The following CHST13 variants were observed in gnomAD, a reference collection of about 807,000 sequenced individuals.
CHST13 encodes the protein C4ST-3.
A neutral mutation model predicts 7.0 loss-of-function variants in CHST13; 1 was observed. The ratio of observed to expected loss-of-function variants is 0.14; its 90% CI spans 0.05 to 0.68. The LOEUF is 0.68. Ranked by LOEUF, CHST13 falls within the 30% of genes least tolerant of loss-of-function variation. CHST13 has a pLI of 0.82. For synonymous variants in CHST13, 257 were observed against 240.9 expected (o/e 1.07, Z -0.62); for missense variants, 572 against 507.9 (o/e 1.13, Z -1.21).
chr3:126,542,622 G>T lies in CHST13; in HGVS notation c.*44G>T. On this transcript the variant is annotated 3_prime_UTR_variant, in exon 3 of 3. Transcript: ENST00000319340. Reference sequence around the variant, plus strand: ...GGCCACGCGGGGCAAGTGCCTTTCCGACAAGACCCCCGGGGAATGCAGGTG... The same window carrying T: ...GGCCACGCGGGGCAAGTGCCTTTCCTACAAGACCCCCGGGGAATGCAGGTG... 1 of 1,429,552 alleles carries T rather than the reference G, an allele frequency of 7.0e-7. No homozygotes were observed. The highest frequency in any genetic ancestry group is 1.6e-5 in the South Asian group (1 of 64,336). The allele number at this position is 1,429,552 out of a possible 1,614,324, so 88.6% of individuals were successfully genotyped here. A position where few individuals can be genotyped will look rare whatever the true frequency, so the allele number is the denominator to read the frequency against.
chr3:126,525,889 C>T (rs1355013088), intron 1 of CHST13, among the ~76,000 whole-genome samples: 1 of 152,162 alleles, frequency 6.6e-6, no homozygotes. Flanking sequence ...TACTAGTCAC[C>T]TTCTGGGCTT....
At chr3:126,531,067 G>A (rs919860029) in intron 1 of CHST13, among the ~76,000 whole-genome samples, 3 of 152,266 alleles carry the variant, frequency 2.0e-5, no homozygotes, top group East Asian at 1.9e-4. Context: ...TTCCTTCCAC[G>A]AACCTCTGTT....
chr3:126,535,540 TC>T (rs1936768580), intron 1 of CHST13, among the ~76,000 whole-genome samples: 6 of 150,800 alleles, frequency 4.0e-5, no homozygotes, highest in Non-Finnish European at 8.9e-5. Context: ...ACAGACAGCA[TC>T]CCTGTCCTCA....
intron 2 of CHST13, 43 bp downstream of exon 2, chr3:126,536,396 C>G: frequency 6.6e-7 from 1 of 1,503,806 alleles, no homozygotes; most frequent in South Asian, 1.1e-5. Flanking sequence ...CCCCTCCATC[C>G]CAGCCAGGAG....
At chr3:126,535,251 G>A (rs1389908281) in intron 1 of CHST13, among the ~76,000 whole-genome samples, 2 of 149,276 alleles carry the variant, frequency 1.3e-5, no homozygotes, top group African/African-American at 5.0e-5. Flanking sequence ...TCCTCAGCTG[G>A]GAGACAGACA....
intron 2 of CHST13, among the ~76,000 whole-genome samples, chr3:126,540,609 C>T (rs1265286481): frequency 3.3e-5 from 5 of 152,298 alleles, no homozygotes; most frequent in Middle Eastern, 3.4e-3. Context: ...CATGGATGGC[C>T]GCATACATTT....
intron 2 of CHST13, among the ~76,000 whole-genome samples, chr3:126,539,564 C>A (rs1458202246): frequency 1.4e-4 from 20 of 145,494 alleles, no homozygotes; most frequent in African/African-American, 4.9e-4. Flanking sequence ...ACACTGCACA[C>A]ACACACACAT....
chr3:126,531,264 G>C (rs1936654313), intron 1 of CHST13, among the ~76,000 whole-genome samples: 1 of 152,192 alleles, frequency 6.6e-6, no homozygotes, highest in Non-Finnish European at 1.5e-5. Context: ...GAGTTTAATG[G>C]GCCCCACACA....
chr3:126,534,722 CAGACAGA>C (rs1936729010), intron 1 of CHST13, among the ~76,000 whole-genome samples: 2 of 149,936 alleles, frequency 1.3e-5, no homozygotes, highest in African/African-American at 2.5e-5. Context: ...GGGAGACAGA[CAGACAGA>C]CAGCATCCCT....
At chr3:126,531,614 G>A (rs1180565856) in intron 1 of CHST13, among the ~76,000 whole-genome samples, 2 of 152,192 alleles carry the variant, frequency 1.3e-5, no homozygotes, top group South Asian at 4.1e-4. Context: ...CGTTTACAAG[G>A]TTCAGCCACA....
intron 1 of CHST13, chr3:126,527,604 C>T (rs1194649794): frequency 6.6e-6 from 1 of 152,476 alleles, no homozygotes; most frequent in Admixed American, 6.5e-5. Flanking sequence ...ATTGGACAGG[C>T]CTAGGCCACA....
chr3:126,539,564 C>T (rs1458202246), intron 2 of CHST13, among the ~76,000 whole-genome samples: 1 of 145,494 alleles, frequency 6.9e-6, no homozygotes, highest in Non-Finnish European at 1.5e-5. Flanking sequence ...ACACTGCACA[C>T]ACACACACAT....
At chr3:126,528,762 A>G (rs1936586273) in intron 1 of CHST13, among the ~76,000 whole-genome samples, 1 of 152,158 alleles carries the variant, frequency 6.6e-6, no homozygotes, top group African/African-American at 2.4e-5. Flanking sequence ...TTTGAACTAA[A>G]TACACGTGGA....
At position 126,542,413 on chromosome 3, in the gene CHST13, C is replaced by T; in HGVS notation, c.861C>T (p.Ser287=). ...GCCTGGCGGGCGCATCCGACCTGAG[C>T]TTCCCTGGGCCGCCGCGGCCCCGGG... is the stretch of plus-strand genomic sequence containing the variant. ...VLGLAGASDL[S]FPGPPRPRGA... is the part of the protein sequence containing the mutation. Residue 287 remains serine, a synonymous_variant, in exon 3 of 3, where the codon AGC becomes AGT. Transcript: ENST00000319340. 6.4e-7 allele frequency: 1 copy of T among 1,552,432 alleles called. No individual in the cohort carries two copies. Among genetic ancestry groups the T allele is most frequent in the Non-Finnish European group, 8.7e-7 (1 of 1,152,328 alleles).
At position 126,524,243 on chromosome 3, in the gene CHST13, G is replaced by A; in HGVS notation, c.-90G>A. The A allele has an allele frequency of 9.5e-7, 1 of 1,055,134 alleles. No homozygotes were observed. The highest frequency in any genetic ancestry group is 1.2e-6 in the Non-Finnish European group (1 of 837,686). 65.4% of individuals were successfully genotyped at this position (1,055,134 alleles called of 1,614,324 possible). On this transcript the variant is annotated 5_prime_UTR_variant, in exon 1 of 3. Coordinates refer to ENST00000319340, the MANE Select transcript of CHST13 (RefSeq NM_152889.3). ...CGCCGCGCCGCGCGTCTTGGTAGGCGCTGCGCTGCCGGGGCCGGGTCCTGG... is the reference window on the plus strand; with the variant it reads ...CGCCGCGCCGCGCGTCTTGGTAGGCACTGCGCTGCCGGGGCCGGGTCCTGG...
intron 1 of CHST13, among the ~76,000 whole-genome samples, chr3:126,533,522 C>T (rs139919752): frequency 6.6e-6 from 1 of 152,160 alleles, no homozygotes; most frequent in African/African-American, 2.4e-5. Flanking sequence ...CAGTGTATTA[C>T]ATTGATTGAT....
At chr3:126,540,490 C>T (rs924832325) in intron 2 of CHST13, among the ~76,000 whole-genome samples, 2 of 152,302 alleles carry the variant, frequency 1.3e-5, no homozygotes, top group South Asian at 2.1e-4. Flanking sequence ...GTTTGGCACT[C>T]GTCCTTTTGT....
At chr3:126,534,690 G>A (rs1218215794) in intron 1 of CHST13, among the ~76,000 whole-genome samples, 1 of 149,222 alleles carries the variant, frequency 6.7e-6, no homozygotes, top group Non-Finnish European at 1.5e-5. Flanking sequence ...GAGACAGATA[G>A]ACAGCATTGC....
chr3:126,537,694 A>G (rs1040768267), intron 2 of CHST13, among the ~76,000 whole-genome samples: 3 of 152,162 alleles, frequency 2.0e-5, no homozygotes, highest in Non-Finnish European at 2.9e-5. Context: ...CAGCCTGAGG[A>G]CCCTGTGACC....
Sources: allele counts gnomAD v4.1 joint callset (sites outside exome capture counted in the v4.1 genomes callset), GRCh38; gene constraint gnomAD v4.1.1; transcripts MANE v1.5; gene names NCBI Gene and HGNC (gene_info 2026-07-23, HGNC 2026-07-21).